Variants in MOB4 observed in about 807,000 individuals in gnomAD.
MOB4 encodes MOB-like protein phocein.
In MOB4, 4 loss-of-function variants were observed where a neutral mutation model predicts 32.2. The observed-to-expected ratio is 0.12, with a 90% CI of 0.06 to 0.28. The LOEUF (loss-of-function observed/expected upper bound fraction) is 0.28, where lower values mean the gene tolerates loss of function less well. Among genes scored for constraint, MOB4 ranks in the 10% least tolerant of loss-of-function variants. The probability of loss-of-function intolerance (pLI) is 1.00; values close to 1 mark genes in which losing one functional copy is unlikely to be tolerated. For synonymous variants in MOB4, 88 were observed against 88.1 expected, an observed-to-expected ratio of 1.00 and a Z score of 0.01; for missense variants, 158 against 271.2, an observed-to-expected ratio of 0.58 and a Z score of 2.93.
chr2:197,525,726 A>AAAG (rs990454331), intron 2 of MOB4, among the ~76,000 whole-genome samples: 1 of 151,980 alleles, frequency 6.6e-6, no homozygotes, highest in Non-Finnish European at 1.5e-5. Flanking sequence ...AAAAAAAAAA[A>AAAG]AGAAAAAGTG....
chr2:197,539,317 ATTTT>A (rs35362424), intron 3 of MOB4, among the ~76,000 whole-genome samples: 4 of 126,716 alleles, frequency 3.2e-5, no homozygotes, highest in Non-Finnish European at 6.4e-5. Context: ...TTGTAATGTA[ATTTT>A]TTTTTTTTTT....
intron 2 of MOB4, chr2:197,533,672 C>G (rs1398018741): frequency 1.0e-5 from 3 of 288,832 alleles, no homozygotes; most frequent in Non-Finnish European, 2.0e-5. Context: ...TTGCAGTGAG[C>G]CAAGACTGAG....
At chr2:197,526,751 A>G (rs1338699232) in intron 2 of MOB4, among the ~76,000 whole-genome samples, 2 of 152,190 alleles carry the variant, frequency 1.3e-5, no homozygotes, top group African/African-American at 2.4e-5. Context: ...AATGGTTTAA[A>G]TGCCTTTCCT....
At chr2:197,550,482 A>T in intron 7 of MOB4, 33 bp from the exon 8 acceptor site, 1 of 1,580,584 alleles carries the variant, frequency 6.3e-7, no homozygotes. Context: ...GGGATAGTGA[A>T]TTAAAATAAC....
At chr2:197,527,006 T>A (rs2086621820) in intron 2 of MOB4, among the ~76,000 whole-genome samples, 1 of 152,146 alleles carries the variant, frequency 6.6e-6, no homozygotes, top group Non-Finnish European at 1.5e-5. Context: ...CCCAGGTTGG[T>A]TTTGAACTCT....
intron 2 of MOB4, among the ~76,000 whole-genome samples, chr2:197,532,498 A>T (rs2086722900): frequency 1.3e-5 from 2 of 151,808 alleles, no homozygotes; most frequent in African/African-American, 4.8e-5. Context: ...GTCTTGAATT[A>T]GCCTAGGCGG....
chr2:197,550,808 A>T lies in MOB4; in HGVS notation c.*162A>T. On this transcript the variant is annotated 3_prime_UTR_variant, in exon 8 of 8. Coordinates refer to ENST00000323303, the MANE Select transcript of MOB4 (RefSeq NM_015387.5). ...TAAAATGGGAAATACTTTTTAAGTT[A>T]TTCATAAGCTGTATATTCACCAGTG... 1.2e-6 allele frequency: 1 copy of T among 818,672 alleles called. No homozygotes were observed. The highest frequency in any genetic ancestry group is 1.8e-5 in the African/African-American group (1 of 55,868). The allele number at this position is 818,672 out of a possible 1,614,324, so 50.7% of individuals were successfully genotyped here. A position where few individuals can be genotyped will look rare whatever the true frequency, so the allele number is the denominator to read the frequency against.
chr2:197,519,184 C>A (rs1477823454), intron 1 of MOB4, among the ~76,000 whole-genome samples: 1 of 152,212 alleles, frequency 6.6e-6, no homozygotes, highest in Non-Finnish European at 1.5e-5. Flanking sequence ...GCGCAAGCCA[C>A]CACGCTGGGC....
chr2:197,550,180 T>A (rs2087073692), intron 6 of MOB4, 95 bp from the exon 7 acceptor site: 4 of 1,134,216 alleles, frequency 3.5e-6, no homozygotes, highest in Non-Finnish European at 4.8e-6. Flanking sequence ...TTTCCCTAGG[T>A]GTCAGTTTCT....
chr2:197,523,309 C>T (rs953243281), intron 1 of MOB4, among the ~76,000 whole-genome samples: 3 of 152,016 alleles, frequency 2.0e-5, no homozygotes, highest in African/African-American at 7.2e-5. Context: ...AACAGCCAGG[C>T]GCAGTGGGTC....
At chr2:197,515,851 G>A (rs1426092765), upstream of MOB4, 4 of 535,302 alleles carry the variant, frequency 7.5e-6, no homozygotes, top group Non-Finnish European at 1.3e-5. Flanking sequence ...CGTGGCGCCC[G>A]CCTTCCGGTG....
intron 2 of MOB4, among the ~76,000 whole-genome samples, chr2:197,530,294 G>C (rs1312712693): frequency 6.7e-6 from 1 of 149,732 alleles, no homozygotes; most frequent in African/African-American, 2.5e-5. Flanking sequence ...TTTGAGACAG[G>C]GTCTCACTCT....
intron 5 of MOB4, among the ~76,000 whole-genome samples, chr2:197,541,745 C>G (rs941124331): frequency 6.6e-6 from 1 of 151,934 alleles, no homozygotes; most frequent in Non-Finnish European, 1.5e-5. Flanking sequence ...CGGTGAAACC[C>G]CGTCTCTATT....
chr2:197,531,969 G>T (rs544623399), intron 2 of MOB4, among the ~76,000 whole-genome samples: 19 of 152,186 alleles, frequency 1.2e-4, no homozygotes, highest in African/African-American at 4.6e-4. Flanking sequence ...GTGCAGTAGC[G>T]TGTGATTGCT....
chr2:197,536,891 T>C (rs1374525619), intron 3 of MOB4, among the ~76,000 whole-genome samples: 2 of 151,998 alleles, frequency 1.3e-5, no homozygotes, highest in Non-Finnish European at 2.9e-5. Flanking sequence ...CCACCGTGCC[T>C]GACTTGTCTT....
At chr2:197,549,948 C>T (rs894198761) in intron 6 of MOB4, among the ~76,000 whole-genome samples, 1 of 151,414 alleles carries the variant, frequency 6.6e-6, no homozygotes, top group African/African-American at 2.4e-5. Flanking sequence ...AGTTTTCAAT[C>T]GCCTCTAGTG....
intron 5 of MOB4, among the ~76,000 whole-genome samples, chr2:197,543,800 G>A (rs1229536532): frequency 3.3e-5 from 5 of 151,448 alleles, no homozygotes; most frequent in African/African-American, 9.7e-5. Context: ...GTTCAGTGGC[G>A]CAATCTCGGC....
intron 5 of MOB4, among the ~76,000 whole-genome samples, chr2:197,541,718 G>C (rs1423447062): frequency 6.6e-6 from 1 of 152,116 alleles, no homozygotes; most frequent in African/African-American, 2.4e-5. Flanking sequence ...AGGAGATCGA[G>C]ACCATCCCGG....
intron 2 of MOB4, among the ~76,000 whole-genome samples, chr2:197,530,200 C>T (rs947691578): frequency 1.3e-5 from 2 of 152,176 alleles, no homozygotes; most frequent in South Asian, 2.1e-4. Context: ...GAACTCCTGA[C>T]CTTGTGATCC....
Sources: gnomAD v4.1 joint callset for allele counts (sites outside exome capture counted in the v4.1 genomes callset) on GRCh38, gnomAD v4.1.1 for gene constraint, MANE v1.5 for transcripts, NCBI Gene and HGNC (gene_info 2026-07-23, HGNC 2026-07-21) for gene names.